The following ASH1L variants were observed in gnomAD, a reference collection of about 807,000 sequenced individuals.
The protein encoded by ASH1L is ASH1 like histone lysine methyltransferase, also known as histone-lysine N-methyltransferase ASH1L.
Under a neutral mutation model 269.0 loss-of-function variants are expected in ASH1L, and 23 were observed. The observed-to-expected ratio is 0.09, with a 90% CI of 0.06 to 0.12. ASH1L has a LOEUF of 0.12. Ranked by LOEUF, ASH1L falls within the 10% of genes least tolerant of loss-of-function variation. The pLI is 1.00. For synonymous variants in ASH1L, 1,187 were observed against 1,253.5 expected, an observed-to-expected ratio of 0.95 and a Z score of 1.12; for missense variants, 2,912 against 3,567.8, an observed-to-expected ratio of 0.82 and a Z score of 4.68.
At chr1:155,514,147 G>A (rs943637265) in intron 2 of ASH1L, among the ~76,000 whole-genome samples, 3 of 152,138 alleles carry the variant, frequency 2.0e-5, no homozygotes, top group Non-Finnish European at 4.4e-5. Context: ...CTGCAGGAGG[G>A]AGAATGAAGA....
intron 1 of ASH1L, among the ~76,000 whole-genome samples, chr1:155,526,587 C>T (rs1293004287): frequency 6.6e-6 from 1 of 152,142 alleles, no homozygotes; most frequent in African/African-American, 2.4e-5. Context: ...TACCACTCTC[C>T]TAAAAAACTA....
chr1:155,403,878 C>T (rs1014328777), intron 6 of ASH1L, among the ~76,000 whole-genome samples: 4 of 150,468 alleles, frequency 2.7e-5, no homozygotes, highest in Non-Finnish European at 4.4e-5. Flanking sequence ...CCAATAAAGG[C>T]CGTTCCTACC....
intron 2 of ASH1L, among the ~76,000 whole-genome samples, chr1:155,510,685 C>T (rs553067067): frequency 6.6e-6 from 1 of 151,930 alleles, no homozygotes; most frequent in African/African-American, 2.4e-5. Context: ...TTCTTTGTAC[C>T]AACTTTGATT....
At chr1:155,387,536 C>T (rs1462129000) in intron 7 of ASH1L, among the ~76,000 whole-genome samples, 2 of 152,172 alleles carry the variant, frequency 1.3e-5, no homozygotes, top group Admixed American at 6.5e-5. Flanking sequence ...ATTACTGTAG[C>T]CCTGTAGTAT....
intron 16 of ASH1L, 131 bp downstream of exon 16, chr1:155,354,342 C>T (rs565936003): frequency 9.2e-6 from 7 of 760,172 alleles, no homozygotes; most frequent in East Asian, 2.8e-5. Context: ...ACTCAGGAGG[C>T]TGAGGCAGGA....
At chr1:155,543,179 G>C (rs984632218) in intron 1 of ASH1L, among the ~76,000 whole-genome samples, 4 of 152,042 alleles carry the variant, frequency 2.6e-5, no homozygotes, top group African/African-American at 9.7e-5. Flanking sequence ...ATATGGATTA[G>C]TGGCAGTCCT....
Position 155,536,241 on chromosome 1 carries a change from C to T in ASH1L, c.-99-14623G>A, listed in dbSNP as rs1670047536. On this transcript the variant is annotated intron_variant, in intron 1 of 27. Transcript: ENST00000392403. ...ATAGAATGGAGACCTTTGCCCAACC[C>T]GGCTTCCTGGAACTGAATGAGTACG... Among the ~76,000 whole-genome samples, 3 of 152,108 alleles carry T rather than the reference C, an allele frequency of 2.0e-5. No individual in the cohort carries two copies. The South Asian group carries it at 6.2e-4, about 32-fold the overall frequency.
chr1:155,434,084 G>A (rs1240820764), intron 5 of ASH1L: 2 of 1,592,098 alleles, frequency 1.3e-6, no homozygotes, highest in Non-Finnish European at 1.7e-6. Flanking sequence ...TGAGGCTGCT[G>A]GGTCTCCTTT....
chr1:155,338,271 G>C lies in ASH1L; in HGVS notation c.8621C>G (p.Pro2874Arg). ...TTCCCGTTCTGGCTCCTCCAGGCTGGGTATCTCATTGGCTGCTTGCTCTTG... is the reference window on the plus strand; with the variant it reads ...TTCCCGTTCTGGCTCCTCCAGGCTGCGTATCTCATTGGCTGCTTGCTCTTG... ...ASQEQAANEI[P>R]SLEEPEREGA... Residue 2874 changes from proline (P) to arginine (R), a missense_variant, in exon 27 of 28, where the codon CCC becomes CGC. Transcript: ENST00000392403. 1.2e-6 allele frequency: 2 copies of C among 1,613,904 alleles called. No homozygotes were observed. The highest frequency in any genetic ancestry group is 1.7e-6 in the Non-Finnish European group (2 of 1,179,992).
chr1:155,433,203 T>C (rs778430868), intron 5 of ASH1L: 372 of 1,544,816 alleles, frequency 2.4e-4, no homozygotes, highest in Non-Finnish European at 3.1e-4. Flanking sequence ...TGGCTTCGGA[T>C]GCCTGCCTTC....
intron 5 of ASH1L, among the ~76,000 whole-genome samples, chr1:155,428,976 G>A (rs1319778740): frequency 6.6e-6 from 1 of 152,066 alleles, no homozygotes; most frequent in East Asian, 1.9e-4. Flanking sequence ...GCGCCACTGG[G>A]TTAGGGTCTC....
chr1:155,490,641 C>CACACACAT (rs1262931009), intron 2 of ASH1L, among the ~76,000 whole-genome samples: 26 of 150,886 alleles, frequency 1.7e-4, no homozygotes, highest in African/African-American at 6.3e-4. Flanking sequence ...CACACACACA[C>CACACACAT]ACATACACAC....
In ASH1L at chr1:155,436,686, G is replaced by A. The variant is rs138473585; in HGVS notation, c.5828+1641C>T. ...TAATTTTTCTATTTTTAGTAGAGAC[G>A]GGGTTTCACTATGTTGGTTAGGCTG... On this transcript the variant is annotated intron_variant, in intron 5 of 27. Transcript: ENST00000392403. Among the ~76,000 whole-genome samples, 420 of 151,416 alleles carry A rather than the reference G, an allele frequency of 2.8e-3. 17 individuals carry two copies. The East Asian group carries it at 0.07, about 25-fold the overall frequency.
intron 5 of ASH1L, chr1:155,434,353 G>A: frequency 6.5e-7 from 1 of 1,527,316 alleles, no homozygotes; most frequent in South Asian, 1.2e-5. Flanking sequence ...TTGGAATTAA[G>A]TTCTTCATTC....
chr1:155,349,396 G>A lies in ASH1L; in HGVS notation c.7485C>T (p.Ile2495=). 6.2e-7 allele frequency: 1 copy of A among 1,613,970 alleles called. No individual in the cohort carries two copies. Among genetic ancestry groups the A allele is most frequent in the Non-Finnish European group, 8.5e-7 (1 of 1,179,872 alleles). Residue 2495 remains isoleucine, a synonymous_variant, in exon 19 of 28, where the codon ATC becomes ATT. Transcript: ENST00000392403. ...PLDLITIEKQ[I]LTGYYKTVEA... is the part of the protein sequence containing the mutation. ...CCACTGTCTTATAGTAACCAGTGAGGATCTGCTTCTCTATGGTGATAAGAT... is the reference window on the plus strand; with the variant it reads ...CCACTGTCTTATAGTAACCAGTGAGAATCTGCTTCTCTATGGTGATAAGAT...
chr1:155,552,237 C>T (rs1671267393), intron 1 of ASH1L, among the ~76,000 whole-genome samples: 1 of 151,806 alleles, frequency 6.6e-6, no homozygotes, highest in Non-Finnish European at 1.5e-5. Flanking sequence ...GAGGCCAAAG[C>T]AGGAGGATTA....
intron 1 of ASH1L, among the ~76,000 whole-genome samples, chr1:155,559,499 C>T (rs181789816): frequency 1.4e-4 from 21 of 145,262 alleles, no homozygotes; most frequent in Non-Finnish European, 3.0e-4. Context: ...AGCGCCACTG[C>T]ACTCCAGCCT....
intron 2 of ASH1L, among the ~76,000 whole-genome samples, chr1:155,499,893 A>T (rs116582985): frequency 1.1e-3 from 164 of 152,276 alleles, no homozygotes; most frequent in South Asian, 6.2e-3. Context: ...AAACATTCAC[A>T]TTCACCATAT....
intron 2 of ASH1L, among the ~76,000 whole-genome samples, chr1:155,509,235 T>C (rs1668010830): frequency 6.6e-6 from 1 of 152,046 alleles, no homozygotes; most frequent in African/African-American, 2.4e-5. Flanking sequence ...ATCCTAATGA[T>C]TTGCCAGGCT....
Sources: allele counts gnomAD v4.1 joint callset (sites outside exome capture counted in the v4.1 genomes callset), GRCh38; gene constraint gnomAD v4.1.1; transcripts MANE v1.5; gene names NCBI Gene and HGNC (gene_info 2026-07-23, HGNC 2026-07-21).